Variants in HEATR1 observed in about 807,000 individuals in gnomAD.
HEATR1 encodes the protein HEAT repeat-containing protein 1.
A neutral mutation model predicts 248.2 loss-of-function variants in HEATR1; 77 were observed. That is an observed-to-expected ratio of 0.31 (90% CI 0.26 to 0.37). The LOEUF is 0.37. Among genes scored for constraint, HEATR1 ranks in the 10% least tolerant of loss-of-function variants. HEATR1 has a pLI of 1.00. For missense variants in HEATR1, 2,420 were observed against 2,504.9 expected (o/e 0.97, Z 0.72); for synonymous variants, 897 against 923.1 (o/e 0.97, Z 0.51).
chr1:236,598,014 A>G, intron 4 of HEATR1, 35 bp from the exon 5 acceptor site: 1 of 1,302,272 alleles, frequency 7.7e-7, no homozygotes, highest in East Asian at 2.3e-5. Flanking sequence ...TACTAGCAAC[A>G]TTCATCAACT....
chr1:236,551,217 T>G (rs2103118951), intron 44 of HEATR1: 1 of 497,908 alleles, frequency 2.0e-6, no homozygotes, highest in East Asian at 3.3e-5. Context: ...TGAATAAGAA[T>G]CCCCAAAACT....
In HEATR1 at chr1:236,572,662, T is replaced by C. The variant is rs1663459098; in HGVS notation, c.3563+63A>G. ...ATTGATGAGTATCAAAAAGTTCCAA[T>C]GGTTTCATAACATTCAGAGTCAGGG... On this transcript the variant is annotated intron_variant, in intron 25 of 44. Coordinates refer to ENST00000366582, the MANE Select transcript of HEATR1 (RefSeq NM_018072.6). 6 of 1,597,456 alleles carry C rather than the reference T, an allele frequency of 3.8e-6. No homozygotes were observed. In the East Asian group the frequency reaches 1.1e-4, roughly 30 times the overall value.
At chr1:236,602,326 AACTT>A (rs1421370780) in intron 3 of HEATR1, among the ~76,000 whole-genome samples, 1 of 152,226 alleles carries the variant, frequency 6.6e-6, no homozygotes, top group African/African-American at 2.4e-5. Context: ...TGACTCAAGA[AACTT>A]AATCCCTCTA....
intron 30 of HEATR1, among the ~76,000 whole-genome samples, chr1:236,566,435 A>AAGT (rs1663272652): frequency 6.6e-6 from 1 of 151,744 alleles, no homozygotes; most frequent in Non-Finnish European, 1.5e-5. Context: ...TCGCCTTCAG[A>AAGT]TGTTTTGCTG....
rs1202659903 is a variant in HEATR1 at position 236,553,648 on chromosome 1, G to A, written c.6170C>T (p.Ala2057Val). ...PCIAQFSVAM[A>V]DDSLWKPLNY... Reference sequence around the variant, plus strand: ...CAGTGGTTTCCAAAGAGAGTCATCCGCCATGGCCACCGAAAACTGTGCGAT... The same window carrying A: ...CAGTGGTTTCCAAAGAGAGTCATCCACCATGGCCACCGAAAACTGTGCGAT... The change falls in exon 43 of 45, where the codon GCG (alanine) becomes GTG (valine). Residue 2057 changes from alanine (A) to valine (V), a missense_variant. Coordinates refer to ENST00000366582, the MANE Select transcript of HEATR1 (RefSeq NM_018072.6). 7 of 1,613,950 alleles carry A rather than the reference G, an allele frequency of 4.3e-6. No homozygotes were observed. Among genetic ancestry groups the A allele is most frequent in the East Asian group, 4.5e-5 (2 of 44,866 alleles).
chr1:236,583,935 G>A (rs540936188), intron 17 of HEATR1, among the ~76,000 whole-genome samples: 3 of 152,234 alleles, frequency 2.0e-5, no homozygotes, highest in Admixed American at 6.5e-5. Flanking sequence ...TAAACAAGCA[G>A]CAAAATGTTA....
At chr1:236,571,521 C>T in intron 27 of HEATR1, 47 bp downstream of exon 27, 1 of 1,613,566 alleles carries the variant, frequency 6.2e-7, no homozygotes, top group Non-Finnish European at 8.5e-7. Flanking sequence ...TACACTCACG[C>T]TCAAAGTAGA....
At chr1:236,573,299 T>G (rs1208053573) in intron 24 of HEATR1, among the ~76,000 whole-genome samples, 1 of 152,206 alleles carries the variant, frequency 6.6e-6, no homozygotes, top group Non-Finnish European at 1.5e-5. Context: ...GGATCAGATA[T>G]GTATATTCTA....
At chr1:236,578,350 T>G (rs1029779610) in intron 20 of HEATR1, among the ~76,000 whole-genome samples, 2 of 152,236 alleles carry the variant, frequency 1.3e-5, no homozygotes, top group Non-Finnish European at 2.9e-5. Context: ...TTGAAACTTG[T>G]CTATTTCTGC....
At chr1:236,567,136 CCCA>C (rs1376048426) in intron 29 of HEATR1, among the ~76,000 whole-genome samples, 1 of 152,000 alleles carries the variant, frequency 6.6e-6, no homozygotes, top group Non-Finnish European at 1.5e-5. Context: ...ATCCCAGGAC[CCCA>C]CCACCACTTT....
chr1:236,592,775 A>G, intron 9 of HEATR1, 142 bp from the exon 10 acceptor site: 1 of 481,030 alleles, frequency 2.1e-6, no homozygotes, highest in East Asian at 3.4e-5. Context: ...TTTACAGATA[A>G]AGAAACTAGA....
rs1287819556 is a variant in HEATR1, at chr1:236,592,010, T to C, written c.1405A>G (p.Ser469Gly). Residue 469 changes from serine (S) to glycine (G), a missense_variant, in exon 11 of 45, where the codon AGT becomes GGT. By Grantham distance (56) the Ser-to-Gly change is moderately conservative. Transcript: ENST00000366582. ...CAACATACCTGATACTTTCCTCCAC[T>C]TGTAGAAAGAGAAACAAACTGATGG... ...LFHQFVSLST[S>G]GGKYQFLADS... 3.1e-6 allele frequency: 5 copies of C among 1,596,852 alleles called. No individual in the cohort carries two copies. In the Admixed American group the frequency reaches 5.0e-5, roughly 16 times the overall value.
chr1:236,560,790 T>C (rs771816875), intron 33 of HEATR1, among the ~76,000 whole-genome samples: 5 of 152,180 alleles, frequency 3.3e-5, no homozygotes, highest in African/African-American at 9.7e-5. Context: ...CATGAGCCCA[T>C]AGAAATCAGG....
chr1:236,558,296 C>T lies in HEATR1; in HGVS notation c.5145G>A (p.Leu1715=), dbSNP rs747593301. Residue 1715 remains leucine, a synonymous_variant, in exon 36 of 45, where the codon CTG becomes CTA. Coordinates refer to ENST00000366582, the MANE Select transcript of HEATR1 (RefSeq NM_018072.6). ...KEEKNVLGSA[L]LCIAEVTSTL... is the part of the protein sequence containing the mutation. ...TGGAGGTCACCTCTGCTATGCACAG[C>T]AGCGCGCTTCCCAGGACATTCTTCT... is the stretch of plus-strand genomic sequence containing the variant. 13 of 1,614,108 alleles carry T rather than the reference C, an allele frequency of 8.1e-6. No homozygotes were observed. The highest frequency in any genetic ancestry group is 2.2e-5 in the East Asian group (1 of 44,898).
chr1:236,561,228 T>G lies in HEATR1; in HGVS notation c.4643A>C (p.Glu1548Ala). Reference protein sequence around the residue: ...GGPEILKGLEERLLETVLGYI... With the variant: ...GGPEILKGLEARLLETVLGYI... ...AGAAAAAGAAAAGGAAACATACCTCTCTTCAAGGCCTTTTAAAATCTCAGG... is the reference window on the plus strand; with the variant it reads ...AGAAAAAGAAAAGGAAACATACCTCGCTTCAAGGCCTTTTAAAATCTCAGG... Residue 1548 changes from glutamate to alanine, a missense_variant, in exon 33 of 45, where the codon GAG becomes GCG. By Grantham distance (107) the Glu-to-Ala change is moderately radical. Coordinates refer to ENST00000366582, the MANE Select transcript of HEATR1 (RefSeq NM_018072.6). 6.2e-7 allele frequency: 1 copy of G among 1,605,268 alleles called. No individual in the cohort carries two copies. Among genetic ancestry groups the G allele is most frequent in the Non-Finnish European group, 8.5e-7 (1 of 1,172,570 alleles).
chr1:236,587,760 T>C (rs1663933581), intron 13 of HEATR1, among the ~76,000 whole-genome samples, 188 bp downstream of exon 13: 1 of 152,118 alleles, frequency 6.6e-6, no homozygotes, highest in Non-Finnish European at 1.5e-5. Flanking sequence ...TCCATATATA[T>C]TTAATATATC....
intron 10 of HEATR1, 54 bp downstream of exon 10, chr1:236,592,469 C>G (rs1348000438): frequency 2.6e-6 from 2 of 757,426 alleles, no homozygotes; most frequent in Admixed American, 4.5e-5. Context: ...TGAATCATAT[C>G]TTTATAGAAC....
chr1:236,576,418 A>G (rs2103137848), intron 21 of HEATR1, 41 bp from the exon 22 acceptor site: 18 of 1,417,354 alleles, frequency 1.3e-5, no homozygotes, highest in Non-Finnish European at 1.7e-5. Context: ...AAGGGTTAAG[A>G]AACTACAAAG....
In HEATR1 at chr1:236,595,533, C is replaced by A; in HGVS notation, c.1090+7G>T. 1 of 1,596,304 alleles carries A rather than the reference C, an allele frequency of 6.3e-7. No individual in the cohort carries two copies. Among genetic ancestry groups the A allele is most frequent in the Non-Finnish European group, 8.5e-7 (1 of 1,172,744 alleles). ...AATTTCTGGACAAAAAATATAAAAC[C>A]ACACACCTGTAACATGATGAATGAT... On this transcript the variant is annotated splice_region_variant and intron_variant, in intron 8 of 44. Coordinates refer to ENST00000366582, the MANE Select transcript of HEATR1 (RefSeq NM_018072.6).
Sources: gnomAD v4.1 joint callset for allele counts (sites outside exome capture counted in the v4.1 genomes callset) on GRCh38, gnomAD v4.1.1 for gene constraint, MANE v1.5 for transcripts, NCBI Gene and HGNC (gene_info 2026-07-23, HGNC 2026-07-21) for gene names.